LANCL2: variants seen among roughly 807,000 people sequenced by gnomAD.
LANCL2 encodes lanC-like protein 2.
Under a neutral mutation model 56.9 loss-of-function variants are expected in LANCL2, and 33 were observed. The observed-to-expected ratio is 0.58, with a 90% CI of 0.44 to 0.78. LANCL2 has a LOEUF of 0.78. Among genes scored for constraint, LANCL2 ranks in the 30% least tolerant of loss-of-function variants. The pLI, the probability that LANCL2 is intolerant of heterozygous loss-of-function variation, is 0.00. For synonymous variants in LANCL2, 233 were observed against 228.2 expected, an observed-to-expected ratio of 1.02 and a Z score of -0.19; for missense variants, 562 against 580.2, an observed-to-expected ratio of 0.97 and a Z score of 0.32.
In LANCL2 at chr7:55,417,066, G is replaced by T. The variant is rs184851848; in HGVS notation, c.1008+4977G>T. Among the ~76,000 whole-genome samples the T allele has an allele frequency of 4.9e-3, 652 of 133,396 alleles. 5 individuals are homozygous for T. The highest frequency in any genetic ancestry group is 0.027 in the Middle Eastern group (6 of 226). 87.5% of individuals were successfully genotyped at this position (133,396 alleles called of 152,430 possible). Reference sequence around the variant, plus strand: ...ACGATCTCTGCTCACTACAAGCTCCGCCTCCCAGGTTCACACCATTGTCCT... The same window carrying T: ...ACGATCTCTGCTCACTACAAGCTCCTCCTCCCAGGTTCACACCATTGTCCT... On this transcript the variant is annotated intron_variant, in intron 6 of 8. Transcript: ENST00000254770.
intron 5 of LANCL2, among the ~76,000 whole-genome samples, chr7:55,406,204 T>C (rs1440714013): frequency 6.6e-6 from 1 of 152,134 alleles, no homozygotes; most frequent in Non-Finnish European, 1.5e-5. Context: ...CTTCTTGAGA[T>C]CCATGTTCAG....
intron 1 of LANCL2, among the ~76,000 whole-genome samples, chr7:55,380,303 C>G (rs926085501): frequency 3.9e-5 from 6 of 152,118 alleles, no homozygotes; most frequent in African/African-American, 1.2e-4. Flanking sequence ...TTGCCCATCT[C>G]TGAATGCTTA....
At chr7:55,368,794 A>G (rs899717200) in intron 1 of LANCL2, among the ~76,000 whole-genome samples, 19 of 132,196 alleles carry the variant, frequency 1.4e-4, no homozygotes, top group Admixed American at 3.6e-4. Context: ...TGTAATTAAG[A>G]TGATGTAATA....
chr7:55,365,853 A>C lies in LANCL2; in HGVS notation c.-173A>C. On this transcript the variant is annotated 5_prime_UTR_variant, in exon 1 of 9. Transcript: ENST00000254770. ...CTCTGCGGCCGCCTGATGTGCGAGC[A>C]GCCCGCGACGAGGCAGTGCACGCTC... 1 of 473,048 alleles carries C rather than the reference A, an allele frequency of 2.1e-6. No homozygotes were observed. The highest frequency in any genetic ancestry group is 3.5e-5 in the East Asian group (1 of 28,210). 29.3% of individuals were successfully genotyped at this position (473,048 alleles called of 1,614,324 possible).
At chr7:55,409,486 C>T (rs1790449007) in intron 5 of LANCL2, among the ~76,000 whole-genome samples, 1 of 152,272 alleles carries the variant, frequency 6.6e-6, no homozygotes, top group Admixed American at 6.5e-5. Flanking sequence ...TTTAAAACAT[C>T]CTGTCCCCCA....
chr7:55,431,363 C>A lies in LANCL2; in HGVS notation c.*43C>A. On this transcript the variant is annotated 3_prime_UTR_variant, in exon 9 of 9. Transcript: ENST00000254770. Reference sequence around the variant, plus strand: ...CTAAAATACCCATTTGGACCAAAAGCCACCAGATTGCTTAGTGCCTGACAC... The same window carrying A: ...CTAAAATACCCATTTGGACCAAAAGACACCAGATTGCTTAGTGCCTGACAC... 3 of 1,447,424 alleles carry A rather than the reference C, an allele frequency of 2.1e-6. No individual in the cohort carries two copies. The highest frequency in any genetic ancestry group is 1.2e-5 in the South Asian group (1 of 84,066). The allele number at this position is 1,447,424 out of a possible 1,614,324, so 89.7% of individuals were successfully genotyped here.
In LANCL2 at chr7:55,391,831, T is replaced by G. The variant is rs1039590558; in HGVS notation, c.243T>G (p.Ile81Met). ...HNFIRRIQTK[I>M]KDLLQQMEEG... ...TCATAAGACGGATCCAGACCAAAAT[T>G]AAAGATCTTCTGCAGCAAATGGAAG... Residue 81 changes from isoleucine (I) to methionine (M), a missense_variant, in exon 2 of 9, where the codon ATT becomes ATG. Ile to Met is a conservative substitution (Grantham distance 10). Around this residue, in one of 2 missense-constraint regions of LANCL2, gnomAD observed 184 missense variants for 111.8 expected, o/e 1.65. Transcript: ENST00000254770. The G allele has an allele frequency of 9.3e-6, 15 of 1,612,106 alleles. No individual in the cohort carries two copies. Among genetic ancestry groups the G allele is most frequent in the African/African-American group, 4.0e-5 (3 of 74,884 alleles).
intron 2 of LANCL2, among the ~76,000 whole-genome samples, chr7:55,392,131 A>G (rs1790198325): frequency 6.6e-6 from 1 of 151,974 alleles, no homozygotes; most frequent in South Asian, 2.1e-4. Flanking sequence ...CGTTTCTACT[A>G]AAAATATAAA....
At chr7:55,428,266 A>C in intron 7 of LANCL2, 109 bp from the exon 8 acceptor site, 7 of 938,612 alleles carry the variant, frequency 7.5e-6, no homozygotes, top group Non-Finnish European at 1.0e-5. Flanking sequence ...TGAATGCCCT[A>C]CAGCTGGGGG....
chr7:55,426,340 G>T lies in LANCL2; in HGVS notation c.1185+910G>T, dbSNP rs562573731. 3.0e-3 allele frequency among the ~76,000 whole-genome samples: 457 copies of T among 152,322 alleles called. 3 individuals carry two copies. Among genetic ancestry groups the T allele is most frequent in the Admixed American group, 5.1e-3 (78 of 15,310 alleles). ...ATAGAGCAAGACTCAGTAAATGTTT[G>T]CTAGTATTTTTATTATGTACACATT... On this transcript the variant is annotated intron_variant, in intron 7 of 8. Transcript: ENST00000254770.
chr7:55,375,049 AG>A (rs974832503), intron 1 of LANCL2, among the ~76,000 whole-genome samples: 10 of 152,204 alleles, frequency 6.6e-5, no homozygotes, highest in African/African-American at 7.2e-5. Context: ...ATGCATTTCA[AG>A]TATTATTCAT....
chr7:55,371,693 C>T (rs1789945277), intron 1 of LANCL2, among the ~76,000 whole-genome samples: 1 of 151,944 alleles, frequency 6.6e-6, no homozygotes, highest in South Asian at 2.1e-4. Context: ...ACAACTTTTT[C>T]CACAGAAAAA....
intron 5 of LANCL2, among the ~76,000 whole-genome samples, chr7:55,410,839 T>G (rs1790462203): frequency 6.6e-6 from 1 of 152,170 alleles, no homozygotes; most frequent in African/African-American, 2.4e-5. Context: ...TGTGTGGCAT[T>G]AACATGTCAC....
intron 1 of LANCL2, among the ~76,000 whole-genome samples, chr7:55,376,715 A>G (rs1455664430): frequency 2.6e-5 from 4 of 152,332 alleles, no homozygotes; most frequent in South Asian, 4.1e-4. Flanking sequence ...TGAGTATACC[A>G]TATTTGATAT....
intron 1 of LANCL2, among the ~76,000 whole-genome samples, chr7:55,376,262 G>A (rs1266434712): frequency 2.0e-5 from 3 of 152,306 alleles, no homozygotes; most frequent in East Asian, 3.9e-4. Context: ...TAAAATGGGG[G>A]TAATAGTTGT....
intron 5 of LANCL2, among the ~76,000 whole-genome samples, chr7:55,407,304 G>T (rs6968790): frequency 6.6e-6 from 1 of 152,004 alleles, no homozygotes; most frequent in African/African-American, 2.4e-5. Flanking sequence ...CTCTGTCACC[G>T]CCAGCCTCAG....
At chr7:55,373,173 T>C (rs1789963987) in intron 1 of LANCL2, among the ~76,000 whole-genome samples, 1 of 151,790 alleles carries the variant, frequency 6.6e-6, no homozygotes, top group South Asian at 2.1e-4. Context: ...AAGGGCTTAC[T>C]ATAATTCATT....
intron 6 of LANCL2, among the ~76,000 whole-genome samples, chr7:55,413,539 A>T (rs1790493853): frequency 6.6e-6 from 1 of 151,882 alleles, no homozygotes; most frequent in African/African-American, 2.4e-5. Context: ...TCCTGTGGGG[A>T]CCCTTCCTCC....
rs1034203531 is a variant in LANCL2 at position 55,365,452 on chromosome 7, T to C, written c.-574T>C. On this transcript the variant is annotated 5_prime_UTR_variant, in exon 1 of 9. Coordinates refer to ENST00000254770, the MANE Select transcript of LANCL2 (RefSeq NM_018697.4). ...AAGAACTGCTGCTATTCCTTTGGGC[T>C]GGCGCAGCAGGGGCCGGTGAAATGC... 8 of 152,312 alleles carry C rather than the reference T, an allele frequency of 5.3e-5. No individual in the cohort carries two copies. Among genetic ancestry groups the C allele is most frequent in the African/African-American group, 1.9e-4 (8 of 41,470 alleles). The allele number at this position is 152,312 out of a possible 1,614,324, so 9.4% of individuals were successfully genotyped here.
Sources: allele counts gnomAD v4.1 joint callset (sites outside exome capture counted in the v4.1 genomes callset), GRCh38; gene constraint gnomAD v4.1.1; regional missense constraint gnomAD v4.1.1; transcripts MANE v1.5; gene names NCBI Gene and HGNC (gene_info 2026-07-23, HGNC 2026-07-21).